The following DNAH11 variants were observed in gnomAD, a reference collection of about 807,000 sequenced individuals.
DNAH11 encodes the protein axonemal beta dynein heavy chain 11.
In DNAH11, 442 loss-of-function variants were observed where a neutral mutation model predicts 526.0. That is an observed-to-expected ratio of 0.84 (90% CI 0.78 to 0.91). The LOEUF (loss-of-function observed/expected upper bound fraction) is 0.91, where lower values mean the gene tolerates loss of function less well. Among genes scored for constraint, DNAH11 ranks in the 40% least tolerant of loss-of-function variants. The pLI, the probability that DNAH11 is intolerant of heterozygous loss-of-function variation, is 0.00. For synonymous variants in DNAH11, 2,461 were observed against 1,935.9 expected (o/e 1.27, Z -7.12); for missense variants, 6,989 against 5,448.7 (o/e 1.28, Z -8.90).
At chr7:21,733,140 G>T (rs192212037) in intron 45 of DNAH11, among the ~76,000 whole-genome samples, 1 of 152,276 alleles carries the variant, frequency 6.6e-6, no homozygotes, top group Non-Finnish European at 1.5e-5. Flanking sequence ...TAATTGCAGC[G>T]CTTTGGGAGG....
intron 25 of DNAH11, among the ~76,000 whole-genome samples, chr7:21,627,249 A>T (rs79565644): frequency 6.6e-6 from 1 of 151,988 alleles, no homozygotes; most frequent in Non-Finnish European, 1.5e-5. Flanking sequence ...AATTGTTTCT[A>T]TTGCTGTGCA....
At chr7:21,693,215 A>G (rs571411101) in intron 35 of DNAH11, among the ~76,000 whole-genome samples, 10 of 152,142 alleles carry the variant, frequency 6.6e-5, no homozygotes, top group African/African-American at 9.7e-5. Flanking sequence ...TTGTTGTTCT[A>G]TAGTTTTCGT....
At position 21,846,003 on chromosome 7, in the gene DNAH11, G is replaced by A. The variant is rs553102336; in HGVS notation, c.10896+3255G>A. Among the ~76,000 whole-genome samples the A allele has an allele frequency of 2.6e-5, 4 of 152,196 alleles. No homozygotes were observed. In the East Asian group the frequency reaches 7.7e-4, roughly 29 times the overall value. ...CAGTTGTTTGGTACTAATGTAAATG[G>A]CATTGTGTTTTAAATTTCAAATTCC... On this transcript the variant is annotated intron_variant, in intron 66 of 81. Transcript: ENST00000409508.
At chr7:21,845,552 A>G (rs1030120568) in intron 66 of DNAH11, among the ~76,000 whole-genome samples, 1 of 151,996 alleles carries the variant, frequency 6.6e-6, no homozygotes, top group Admixed American at 6.6e-5. Flanking sequence ...ATCTATTCAT[A>G]TTTCTGCGTT....
At chr7:21,734,888 T>C (rs1221706290) in intron 45 of DNAH11, among the ~76,000 whole-genome samples, 1 of 150,972 alleles carries the variant, frequency 6.6e-6, no homozygotes, top group Non-Finnish European at 1.5e-5. Context: ...AAACTCACAA[T>C]CAACCGGGTG....
intron 54 of DNAH11, among the ~76,000 whole-genome samples, chr7:21,764,912 T>A (rs973594499): frequency 6.6e-6 from 1 of 152,224 alleles, no homozygotes; most frequent in African/African-American, 2.4e-5. Flanking sequence ...AATTTTTAAT[T>A]CCTTTAAAAA....
At chr7:21,776,552 C>T (rs1178895671) in intron 56 of DNAH11, among the ~76,000 whole-genome samples, 2 of 152,130 alleles carry the variant, frequency 1.3e-5, no homozygotes, top group Admixed American at 6.6e-5. Context: ...CTGTAAGCAC[C>T]TTTTATAGCC....
chr7:21,801,302 A>T (rs761953724), intron 62 of DNAH11, 27 bp downstream of exon 62: 2 of 1,612,884 alleles, frequency 1.2e-6, no homozygotes, highest in Non-Finnish European at 1.7e-6. Context: ...CAAACATTCT[A>T]ACTAAAATGT....
Position 21,749,736 on chromosome 7 carries a change from T to G in DNAH11, c.8732T>G (p.Leu2911Arg). 1 of 1,614,008 alleles carries G rather than the reference T, an allele frequency of 6.2e-7. No individual in the cohort carries two copies. Among genetic ancestry groups the G allele is most frequent in the South Asian group, 1.1e-5 (1 of 91,082 alleles). Residue 2911 changes from leucine to arginine, a missense_variant, in exon 53 of 82, where the codon CTG (leucine) becomes CGG (arginine). Transcript: ENST00000409508. ...GCCAAGAACATGCCCACTGTGTTCC[T>G]GCTGACAGATGCCCAGGTTCTAGAT... ...TGAKNMPTVF[L>R]LTDAQVLDES...
At chr7:21,668,006 A>G (rs917424530) in intron 30 of DNAH11, among the ~76,000 whole-genome samples, 1 of 152,158 alleles carries the variant, frequency 6.6e-6, no homozygotes, top group Admixed American at 6.5e-5. Context: ...TGTTACATCA[A>G]CTGTTCTGGA....
At chr7:21,644,102 A>T (rs552084489) in intron 28 of DNAH11, among the ~76,000 whole-genome samples, 1 of 152,212 alleles carries the variant, frequency 6.6e-6, no homozygotes, top group Non-Finnish European at 1.5e-5. Flanking sequence ...GAAATCCCCT[A>T]AATTACAGCG....
intron 57 of DNAH11, among the ~76,000 whole-genome samples, chr7:21,782,394 T>C (rs1414657528): frequency 1.3e-5 from 2 of 152,234 alleles, no homozygotes; most frequent in Non-Finnish European, 2.9e-5. Flanking sequence ...CTTAACAGCT[T>C]ACTGAGATAT....
At position 21,659,034 on chromosome 7, in the gene DNAH11, A is replaced by G. The variant is rs1583570354; in HGVS notation, c.5328+3A>G. ...TGAAGGATTTCCATAAAAAACAGGT[A>G]TTACATAGATTTGTGATTTTGAGAC... On this transcript the variant is annotated splice_donor_region_variant and intron_variant, in intron 30 of 81. Transcript: ENST00000409508. 6.4e-7 allele frequency: 1 copy of G among 1,566,526 alleles called. No homozygotes were observed. The highest frequency in any genetic ancestry group is 8.6e-7 in the Non-Finnish European group (1 of 1,156,406).
chr7:21,719,708 A>G (rs374245237), intron 43 of DNAH11, among the ~76,000 whole-genome samples: 12 of 152,254 alleles, frequency 7.9e-5, no homozygotes, highest in South Asian at 4.1e-4. Context: ...TAGGTGCTCA[A>G]TAATTTAAAT....
intron 66 of DNAH11, among the ~76,000 whole-genome samples, chr7:21,850,111 C>A (rs550643432): frequency 6.6e-6 from 1 of 151,948 alleles, no homozygotes; most frequent in East Asian, 1.9e-4. Context: ...AATCCCAGCA[C>A]TTTGGGAGGC....
intron 44 of DNAH11, among the ~76,000 whole-genome samples, chr7:21,724,428 C>T (rs1046040506): frequency 1.3e-5 from 2 of 152,146 alleles, no homozygotes; most frequent in African/African-American, 2.4e-5. Context: ...GACATAGGGA[C>T]GTCAAAGTAA....
intron 45 of DNAH11, among the ~76,000 whole-genome samples, chr7:21,734,299 G>A (rs987625524): frequency 6.6e-6 from 1 of 152,286 alleles, no homozygotes; most frequent in East Asian, 1.9e-4. Flanking sequence ...CATGGTACCT[G>A]CCACATACTC....
chr7:21,676,389 A>C (rs1583584709), intron 30 of DNAH11, among the ~76,000 whole-genome samples: 1 of 152,216 alleles, frequency 6.6e-6, no homozygotes, highest in Admixed American at 6.5e-5. Flanking sequence ...TATGTCACAG[A>C]CCATAAACTT....
At chr7:21,768,194 G>C (rs1421599521) in intron 55 of DNAH11, among the ~76,000 whole-genome samples, 1 of 152,202 alleles carries the variant, frequency 6.6e-6, no homozygotes, top group Non-Finnish European at 1.5e-5. Flanking sequence ...ATGGAGATGG[G>C]AGGAGGTGTG....
Sources: allele counts gnomAD v4.1 joint callset (sites outside exome capture counted in the v4.1 genomes callset), GRCh38; gene constraint gnomAD v4.1.1; transcripts MANE v1.5; gene names NCBI Gene and HGNC (gene_info 2026-07-23, HGNC 2026-07-21).